STRBP: variants seen among roughly 807,000 people sequenced by gnomAD.
The protein encoded by STRBP is spermatid perinuclear RNA-binding protein.
Under a neutral mutation model 80.1 loss-of-function variants are expected in STRBP, and 13 were observed. The ratio of observed to expected loss-of-function variants is 0.16; its 90% CI spans 0.11 to 0.26. The LOEUF (loss-of-function observed/expected upper bound fraction) is 0.26, where lower values mean the gene tolerates loss of function less well. Among genes scored for constraint, STRBP ranks in the 10% least tolerant of loss-of-function variants. STRBP has a pLI of 1.00. For missense variants in STRBP, 485 were observed against 815.2 expected (o/e 0.59, Z 4.93); for synonymous variants, 284 against 291.2 (o/e 0.98, Z 0.25).
chr9:123,184,264 A>G lies in STRBP; in HGVS notation c.-130T>C, dbSNP rs112863863. The G allele has an allele frequency of 5.0e-6, 4 of 795,134 alleles. No individual in the cohort carries two copies. In the African/African-American group the frequency reaches 6.9e-5, roughly 14 times the overall value. The allele number at this position is 795,134 out of a possible 1,614,324, so 49.3% of individuals were successfully genotyped here. A position where few individuals can be genotyped will look rare whatever the true frequency, so the allele number is the denominator to read the frequency against. On this transcript the variant is annotated 5_prime_UTR_variant, in exon 3 of 19. Coordinates refer to ENST00000348403, the MANE Select transcript of STRBP (RefSeq NM_018387.5). The stretch of plus-strand genomic sequence containing the variant: ...TCCCCTGACAGCTCAGCGTCAATAT[A>G]GCAAATGTCTGAAGGCTTGTTCTCT...
chr9:123,181,761 T>C (rs941563987), intron 3 of STRBP, among the ~76,000 whole-genome samples: 7 of 111,920 alleles, frequency 6.3e-5, no homozygotes, highest in Admixed American at 1.4e-4. Flanking sequence ...GATCACACAA[T>C]TGCACTCCAG....
chr9:123,128,410 C>T (rs1259844493), intron 17 of STRBP, 152 bp from the exon 18 acceptor site: 300 of 828,070 alleles, frequency 3.6e-4, no homozygotes. Context: ...TGGTCCCAGT[C>T]TAGCCACTCT....
chr9:123,181,012 A>G, intron 3 of STRBP: 1 of 791,000 alleles, frequency 1.3e-6, no homozygotes, highest in Non-Finnish European at 1.5e-6. Context: ...GGATAACAGT[A>G]AATTAACACT....
chr9:123,229,828 G>C (rs1269870720), intron 2 of STRBP, among the ~76,000 whole-genome samples: 2 of 152,198 alleles, frequency 1.3e-5, no homozygotes, highest in Non-Finnish European at 2.9e-5. Context: ...GTGACAGAGT[G>C]AATGGGCCAG....
intron 2 of STRBP, among the ~76,000 whole-genome samples, chr9:123,189,543 T>C (rs928707690): frequency 6.6e-6 from 1 of 152,046 alleles, no homozygotes; most frequent in South Asian, 2.1e-4. Flanking sequence ...TCATGTCCTT[T>C]GTAGGAATAT....
intron 1 of STRBP, among the ~76,000 whole-genome samples, chr9:123,267,352 C>T (rs1240518648): frequency 6.6e-6 from 1 of 151,976 alleles, no homozygotes; most frequent in African/African-American, 2.4e-5. Context: ...TCCTGCTCTC[C>T]ATCCCCATCA....
intron 1 of STRBP, among the ~76,000 whole-genome samples, chr9:123,267,709 G>C (rs1025915837): frequency 6.7e-6 from 1 of 148,262 alleles, no homozygotes; most frequent in African/African-American, 2.5e-5. Context: ...CCCTTCACGG[G>C]CGTCCCGGTG....
chr9:123,198,528 A>C (rs944767929), intron 2 of STRBP, among the ~76,000 whole-genome samples: 1 of 152,070 alleles, frequency 6.6e-6, no homozygotes, highest in Non-Finnish European at 1.5e-5. Flanking sequence ...GCGTAGTTTG[A>C]AAATACTTTC....
At chr9:123,137,371 A>G (rs2036400316) in intron 14 of STRBP, among the ~76,000 whole-genome samples, 1 of 152,178 alleles carries the variant, frequency 6.6e-6, no homozygotes, top group Non-Finnish European at 1.5e-5. Context: ...TGAACACACA[A>G]AATAAATGTC....
intron 2 of STRBP, among the ~76,000 whole-genome samples, chr9:123,189,476 A>G (rs1313405339): frequency 1.3e-5 from 2 of 151,248 alleles, no homozygotes; most frequent in Non-Finnish European, 3.0e-5. Context: ...ATAAAAAAAA[A>G]GAAAATGTGG....
intron 6 of STRBP, among the ~76,000 whole-genome samples, chr9:123,164,984 A>G (rs1454935666): frequency 6.6e-6 from 1 of 152,100 alleles, no homozygotes; most frequent in East Asian, 1.9e-4. Flanking sequence ...ACAGTGCCTA[A>G]AAGTTTGCCC....
At chr9:123,116,788 G>A (rs750735425), downstream of STRBP, among the ~76,000 whole-genome samples, 19 of 152,268 alleles carry the variant, frequency 1.2e-4, no homozygotes, top group Middle Eastern at 3.4e-3. Context: ...CGGGGTGAGC[G>A]CCGCCACTCA....
downstream of STRBP, among the ~76,000 whole-genome samples, chr9:123,120,144 C>T (rs1344862127): frequency 6.6e-6 from 1 of 151,988 alleles, no homozygotes; most frequent in Admixed American, 6.6e-5. Context: ...TAGAGAGAAA[C>T]ACATCAATAT....
At chr9:123,242,908 C>T (rs1303286849) in intron 1 of STRBP, among the ~76,000 whole-genome samples, 1 of 152,062 alleles carries the variant, frequency 6.6e-6, no homozygotes, top group African/African-American at 2.4e-5. Context: ...CAATTCTTCC[C>T]AAATTTATCT....
At chr9:123,234,109 G>A (rs1333688849) in intron 2 of STRBP, among the ~76,000 whole-genome samples, 1 of 151,034 alleles carries the variant, frequency 6.6e-6, no homozygotes, top group Non-Finnish European at 1.5e-5. Context: ...GCTGAGGCAG[G>A]AGAATGGCAT....
chr9:123,235,004 G>A (rs944654339), intron 2 of STRBP, among the ~76,000 whole-genome samples: 1 of 147,646 alleles, frequency 6.8e-6, no homozygotes, highest in Admixed American at 6.7e-5. Flanking sequence ...TTTGGGGGGG[G>A]GGGGTACTGG....
At chr9:123,161,767 T>C (rs2037531978) in intron 6 of STRBP, among the ~76,000 whole-genome samples, 2 of 152,378 alleles carry the variant, frequency 1.3e-5, no homozygotes, top group Middle Eastern at 3.4e-3. Flanking sequence ...TATTTAATTA[T>C]GGCTATTCAG....
At chr9:123,159,783 T>C (rs527248402) in intron 8 of STRBP, among the ~76,000 whole-genome samples, 2 of 152,350 alleles carry the variant, frequency 1.3e-5, no homozygotes, top group South Asian at 2.1e-4. Flanking sequence ...TGTTTTATAA[T>C]GTTCTTAAGT....
intron 16 of STRBP, among the ~76,000 whole-genome samples, chr9:123,133,902 C>A (rs189129416): frequency 6.6e-6 from 1 of 152,186 alleles, no homozygotes; most frequent in East Asian, 1.9e-4. Context: ...ATGCCATAAT[C>A]TATGGAAATC....
Sources: gnomAD v4.1 joint callset for allele counts (sites outside exome capture counted in the v4.1 genomes callset) on GRCh38, gnomAD v4.1.1 for gene constraint, MANE v1.5 for transcripts, NCBI Gene and HGNC (gene_info 2026-07-23, HGNC 2026-07-21) for gene names.